The following ZNF768 variants were observed in gnomAD, a reference collection of about 807,000 sequenced individuals.
ZNF768 encodes zinc finger protein 768.
A neutral mutation model predicts 39.7 loss-of-function variants in ZNF768; 12 were observed. The observed-to-expected ratio is 0.30, with a 90% confidence interval of 0.19 to 0.49. ZNF768 has a LOEUF of 0.49. Among genes scored for constraint, ZNF768 ranks in the 20% least tolerant of loss-of-function variants. The pLI, the probability that ZNF768 is intolerant of heterozygous loss-of-function variation, is 0.99. For missense variants in ZNF768, 613 were observed against 723.2 expected (o/e 0.85, Z 1.75); for synonymous variants, 360 against 288.4 (o/e 1.25, Z -2.52).
At chr16:30,527,467 A>G (rs1234994262), upstream of ZNF768, 1 of 303,694 alleles carries the variant, frequency 3.3e-6, no homozygotes, top group Non-Finnish European at 4.8e-6. Context: ...GCCTCCTCCA[A>G]CCCCGCGGAC....
chr16:30,524,772 G>A lies in ZNF768; in HGVS notation c.1368C>T (p.Thr456=). 6.2e-7 allele frequency: 1 copy of A among 1,612,258 alleles called. No individual in the cohort carries two copies. The highest frequency in any genetic ancestry group is 1.3e-5 in the African/African-American group (1 of 75,022). ...IHARTHLPGR[T]YSCPDCGKTF... ...TCTTGCCGCAGTCGGGGCAGCTGTA[G>A]GTGCGGCCTGGCAGGTGGGTGCGGG... The change falls in exon 2 of 2, where the codon ACC becomes ACT. Residue 456 remains threonine (T), a synonymous_variant. Transcript: ENST00000380412.
upstream of ZNF768, chr16:30,526,642 C>A: frequency 1.0e-6 from 1 of 978,466 alleles, no homozygotes. Flanking sequence ...CTCGGCCTCC[C>A]CGTGGCCCTC....
In ZNF768 at chr16:30,525,147, G is replaced by A. The variant is rs1425697967; in HGVS notation, c.993C>T (p.Tyr331=). 1.7e-5 allele frequency: 28 copies of A among 1,613,730 alleles called. No homozygotes were observed. Among genetic ancestry groups the A allele is most frequent in the Non-Finnish European group, 2.0e-5 (24 of 1,179,896 alleles). The change falls in exon 2 of 2, where the codon TAC becomes TAT. Residue 331 remains tyrosine (Y), a synonymous_variant. Coordinates refer to ENST00000380412, the MANE Select transcript of ZNF768 (RefSeq NM_024671.4). The part of the protein sequence containing the change: ...RCGKAFADSS[Y]LLRHQRTHSG... The stretch of plus-strand genomic sequence containing the variant: ...AGTGAGTGCGCTGGTGGCGAAGCAG[G>A]TAAGAGCTGTCGGCGAAGGCCTTGC...
upstream of ZNF768, among the ~76,000 whole-genome samples, chr16:30,529,544 G>C: frequency 6.6e-6 from 1 of 152,210 alleles, no homozygotes; most frequent in East Asian, 1.9e-4. Context: ...CGATGCTAGA[G>C]GAGATGCCCC....
chr16:30,530,541 T>C (rs1472932792), upstream of ZNF768: 1 of 152,224 alleles, frequency 6.6e-6, no homozygotes, highest in Non-Finnish European at 1.5e-5. The surrounding 1 kb of genome is among the most constrained non-coding windows in gnomAD (Gnocchi z 4.4). Context: ...AGGTATCTCC[T>C]ACTGCCAAGG....
rs748568012 is a variant in ZNF768 at position 30,524,697 on chromosome 16, G to A, written c.1443C>T (p.Gly481=). Residue 481 remains glycine, a synonymous_variant, in exon 2 of 2, where the codon GGC becomes GGT. Transcript: ENST00000380412. ...ACACGGCGCACCTGTAGGGCCGCTC[G>A]CCCGTGTGGGAGCGCTGGTGCTGGA... is the stretch of plus-strand genomic sequence containing the variant. ...TLIQHQRSHT[G]ERPYRCAVCG... is the part of the protein sequence containing the mutation. 11 of 1,612,912 alleles carry A rather than the reference G, an allele frequency of 6.8e-6. No homozygotes were observed. Among genetic ancestry groups the A allele is most frequent in the Admixed American group, 5.0e-5 (3 of 59,954 alleles).
At chr16:30,529,375 G>C (rs1476076190), upstream of ZNF768, among the ~76,000 whole-genome samples, 1 of 152,210 alleles carries the variant, frequency 6.6e-6, no homozygotes, top group Non-Finnish European at 1.5e-5. Flanking sequence ...CCAGCACTAG[G>C]GCAGAGCCAT....
Position 30,524,669 on chromosome 16 carries a change from C to T in ZNF768, c.1471G>A (p.Gly491Ser). 2 of 1,612,926 alleles carry T rather than the reference C, an allele frequency of 1.2e-6. No individual in the cohort carries two copies. Among genetic ancestry groups the T allele is most frequent in the Non-Finnish European group, 1.7e-6 (2 of 1,179,824 alleles). Reference protein sequence around the residue: ...GERPYRCAVCGKGFCRSSTLL... With the variant: ...GERPYRCAVCSKGFCRSSTLL... ...GTGGAGGAGCGGCAGAAGCCCTTGC[C>T]GCACACGGCGCACCTGTAGGGCCGC... Residue 491 changes from glycine (G) to serine (S), a missense_variant, in exon 2 of 2, where the codon GGC (glycine) becomes AGC (serine). Gly to Ser is a moderately conservative substitution (Grantham distance 56). Transcript: ENST00000380412.
rs1567498948 is a variant in ZNF768 at position 30,525,713 on chromosome 16, C to G, written c.427G>C (p.Glu143Gln). The G allele has an allele frequency of 1.9e-6, 3 of 1,613,276 alleles. No homozygotes were observed. Among genetic ancestry groups the G allele is most frequent in the Non-Finnish European group, 2.5e-6 (3 of 1,179,622 alleles). ...GATTCATATCTAGAGCTCTCAGATT[C>G]ATAGCCAGGGCTCCGGGGTTCATAC... ...PGYEPRSPGY[E>Q]SESSRYESQN... The change falls in exon 2 of 2, where the codon GAA (glutamate) becomes CAA (glutamine). Residue 143 changes from glutamate to glutamine, a missense_variant. Physicochemically the swap from Glu to Gln is conservative, Grantham distance 29. Coordinates refer to ENST00000380412, the MANE Select transcript of ZNF768 (RefSeq NM_024671.4).
chr16:30,527,596 G>C (rs561006171), upstream of ZNF768: 1 of 152,616 alleles, frequency 6.6e-6, no homozygotes, highest in African/African-American at 2.4e-5. Context: ...GTGGGAGGGA[G>C]GTGCCAGGCA....
At chr16:30,526,958 G>A (rs113859880), upstream of ZNF768, 7,056 of 985,454 alleles carry the variant, frequency 7.2e-3, 371 homozygotes, top group African/African-American at 0.11. Flanking sequence ...ACGCCCCGGA[G>A]CCCGCGGGGC....
At chr16:30,532,259 G>T in the ZNF768 span, 17 of 591,498 alleles carry the variant, frequency 2.9e-5, no homozygotes, top group Non-Finnish European at 4.8e-5. Context: ...TCCCTGTATG[G>T]AGGTCTGGGG....
upstream of ZNF768, chr16:30,527,270 G>T (rs2051336140): frequency 7.1e-6 from 7 of 985,960 alleles, no homozygotes; most frequent in Non-Finnish European, 6.0e-6. Context: ...CGGCACCTGC[G>T]CGCGCCCGCT....
Position 30,524,212 on chromosome 16 carries a change from C to A in ZNF768, c.*305G>T. ...CCACTCTAATTAGGTAATCCCCTGC[C>A]CTCCCCCCTCCCTGCTCTAGCAGTT... On this transcript the variant is annotated 3_prime_UTR_variant, in exon 2 of 2. Transcript: ENST00000380412. The A allele has an allele frequency of 4.5e-6, 1 of 221,040 alleles. No homozygotes were observed. Among genetic ancestry groups the A allele is most frequent in the South Asian group, 5.4e-5 (1 of 18,366 alleles). The allele number at this position is 221,040 out of a possible 1,614,324, so 13.7% of individuals were successfully genotyped here.
At position 30,525,045 on chromosome 16, in the gene ZNF768, G is replaced by A; in HGVS notation, c.1095C>T (p.Arg365=). 6.2e-7 allele frequency: 1 copy of A among 1,614,172 alleles called. No homozygotes were observed. The highest frequency in any genetic ancestry group is 8.5e-7 in the Non-Finnish European group (1 of 1,180,022). The change falls in exon 2 of 2, where the codon CGC becomes CGT. Residue 365 remains arginine (R), a synonymous_variant. Transcript: ENST00000380412. ...GDSSYLLRHQ[R]THSHERPYSC... is the part of the protein sequence containing the mutation. Reference sequence around the variant, plus strand: ...TGTAGGGCCGCTCGTGGCTGTGGGTGCGCTGGTGTCGCAGGAGGTAGGAGC... The same window carrying A: ...TGTAGGGCCGCTCGTGGCTGTGGGTACGCTGGTGTCGCAGGAGGTAGGAGC...
chr16:30,526,811 G>A (rs1279836463), upstream of ZNF768: 15 of 60,194 alleles, frequency 2.5e-4, no homozygotes, highest in Non-Finnish European at 3.2e-4. Flanking sequence ...ACCCTCCCCC[G>A]CACAGGAAGT....
rs770477596 is a variant in ZNF768 at position 30,524,622 on chromosome 16, G to A, written c.1518C>T (p.Val506=). ...ACTTGTAAGGCCGCTCGCCACTGTGGACCCGGTGATGCTGCAGAAGCGTGG... is the reference window on the plus strand; with the variant it reads ...ACTTGTAAGGCCGCTCGCCACTGTGAACCCGGTGATGCTGCAGAAGCGTGG... The part of the protein sequence containing the change: ...RSSTLLQHHR[V]HSGERPYKCD... Residue 506 remains valine (V), a synonymous_variant, in exon 2 of 2, where the codon GTC becomes GTT. Coordinates refer to ENST00000380412, the MANE Select transcript of ZNF768 (RefSeq NM_024671.4). 1.9e-6 allele frequency: 3 copies of A among 1,613,024 alleles called. No individual in the cohort carries two copies.
chr16:30,524,736 GC>G lies in ZNF768; in HGVS notation c.1403del (p.Arg468ProfsTer93). ...GCTGGTGCTGGATGAGAGTGGAGGA[GC>G]GATTGAAGGTCTTGCCGCAGTCGGG... ...SCPDCGKTFNRSSTLIQHQRS... is the reference protein window; with the variant it reads ...SCPDCGKTFNXSSTLIQHQRS... On this transcript the variant is annotated frameshift_variant, in exon 2 of 2. Transcript: ENST00000380412. LOFTEE classifies it high-confidence loss of function. 6.2e-7 allele frequency: 1 copy of G among 1,603,378 alleles called. No individual in the cohort carries two copies. Among genetic ancestry groups the G allele is most frequent in the Non-Finnish European group, 8.5e-7 (1 of 1,176,156 alleles).
Position 30,525,271 on chromosome 16 carries a change from T to C in ZNF768, c.869A>G (p.Lys290Arg). Reference protein sequence around the residue: ...QRIHTGEKPYKCEVCSKAFSQ... With the variant: ...QRIHTGEKPYRCEVCSKAFSQ... ...GAAGGCCTTGCTGCAGACCTCACAT[T>C]TGTAGGGCTTCTCACCGGTGTGGAT... Residue 290 changes from lysine to arginine, a missense_variant, in exon 2 of 2, where the codon AAA becomes AGA. By Grantham distance (26) the Lys-to-Arg change is conservative. This residue lies in a region of ZNF768 where 40 missense variants were observed against 52.0 expected (regional missense o/e 0.77). Coordinates refer to ENST00000380412, the MANE Select transcript of ZNF768 (RefSeq NM_024671.4). 3 of 1,614,054 alleles carry C rather than the reference T, an allele frequency of 1.9e-6. No homozygotes were observed. The highest frequency in any genetic ancestry group is 2.5e-6 in the Non-Finnish European group (3 of 1,179,972).
Sources: allele counts gnomAD v4.1 joint callset (sites outside exome capture counted in the v4.1 genomes callset), GRCh38; gene constraint gnomAD v4.1.1; regional missense constraint gnomAD v4.1.1; non-coding constraint Gnocchi (gnomAD v3.1); transcripts MANE v1.5; gene names NCBI Gene and HGNC (gene_info 2026-07-23, HGNC 2026-07-21).